The following GRIA4 variants were observed in gnomAD, a reference collection of about 807,000 sequenced individuals.
GRIA4 encodes the protein glutamate receptor 4.
A neutral mutation model predicts 104.0 loss-of-function variants in GRIA4; 34 were observed. The observed-to-expected ratio is 0.33, with a 90% CI of 0.25 to 0.44. The LOEUF is 0.44. Among genes scored for constraint, GRIA4 ranks in the 20% least tolerant of loss-of-function variants. The pLI, the probability that GRIA4 is intolerant of heterozygous loss-of-function variation, is 1.00. For synonymous variants in GRIA4, 386 were observed against 381.9 expected, an observed-to-expected ratio of 1.01 and a Z score of -0.13; for missense variants, 750 against 1,096.5, an observed-to-expected ratio of 0.68 and a Z score of 4.46.
chr11:105,739,504 T>C (rs1450701631), intron 3 of GRIA4, among the ~76,000 whole-genome samples: 2 of 152,218 alleles, frequency 1.3e-5, no homozygotes, highest in Non-Finnish European at 2.9e-5. Flanking sequence ...GAAATATTTT[T>C]GTGTAATTTG....
chr11:105,774,211 A>G (rs1256600290), intron 4 of GRIA4, among the ~76,000 whole-genome samples: 1 of 151,518 alleles, frequency 6.6e-6, no homozygotes, highest in Non-Finnish European at 1.5e-5. Context: ...GAAATATAAA[A>G]AAAGAGCTTG....
intron 9 of GRIA4, among the ~76,000 whole-genome samples, chr11:105,907,195 C>T (rs1947070430): frequency 6.6e-6 from 1 of 152,108 alleles, no homozygotes; most frequent in Non-Finnish European, 1.5e-5. Context: ...AAAATTAAGA[C>T]TTTTCAAAGA....
chr11:105,884,164 C>T (rs1946169277), intron 5 of GRIA4, among the ~76,000 whole-genome samples: 1 of 152,226 alleles, frequency 6.6e-6, no homozygotes, highest in African/African-American at 2.4e-5. Flanking sequence ...ACTACTCACC[C>T]TGGGCATTGT....
intron 4 of GRIA4, among the ~76,000 whole-genome samples, chr11:105,791,553 C>T (rs1008031856): frequency 1.2e-4 from 18 of 152,212 alleles, no homozygotes; most frequent in African/African-American, 4.1e-4. Flanking sequence ...GTTTCTCTTA[C>T]CAGTTTCTAA....
intron 3 of GRIA4, among the ~76,000 whole-genome samples, chr11:105,737,080 C>T (rs751445920): frequency 5.3e-5 from 8 of 151,894 alleles, no homozygotes; most frequent in African/African-American, 1.4e-4. Context: ...AGAATGAAGG[C>T]GTAAGGAGCT....
chr11:105,846,619 A>G (rs1944606471), intron 4 of GRIA4, among the ~76,000 whole-genome samples: 1 of 152,188 alleles, frequency 6.6e-6, no homozygotes, highest in Non-Finnish European at 1.5e-5. Flanking sequence ...TACAACAATG[A>G]TAACTGAATA....
rs144408248 is a variant in GRIA4, at chr11:105,678,744, C to T, written c.247+66310C>T. 3.5e-3 allele frequency among the ~76,000 whole-genome samples: 536 copies of T among 152,130 alleles called. 2 individuals are homozygous for T. Among genetic ancestry groups the T allele is most frequent in the African/African-American group, 0.012 (512 of 41,524 alleles). On this transcript the variant is annotated intron_variant, in intron 3 of 16. Transcript: ENST00000282499. ...ATCAAGAAATTATGAGTAGATGAAA[C>T]TCTGAATAAGTTATTCCAGGATAAT...
At chr11:105,813,888 T>C (rs185627012) in intron 4 of GRIA4, among the ~76,000 whole-genome samples, 1 of 151,992 alleles carries the variant, frequency 6.6e-6, no homozygotes, top group East Asian at 1.9e-4. Context: ...CTCTGTCTCA[T>C]GAGAGAGAGA....
intron 14 of GRIA4, among the ~76,000 whole-genome samples, chr11:105,945,096 G>A (rs982010291): frequency 2.0e-5 from 3 of 152,058 alleles, no homozygotes; most frequent in African/African-American, 7.2e-5. Context: ...GATGAGCTGA[G>A]AACACCCCAG....
At chr11:105,822,393 C>G (rs1396309052) in intron 4 of GRIA4, among the ~76,000 whole-genome samples, 1 of 152,010 alleles carries the variant, frequency 6.6e-6, no homozygotes, top group Non-Finnish European at 1.5e-5. Context: ...AAGTCAGACA[C>G]ACACTATAAA....
intron 14 of GRIA4, among the ~76,000 whole-genome samples, chr11:105,938,312 T>C (rs947584561): frequency 1.3e-5 from 2 of 152,218 alleles, no homozygotes; most frequent in South Asian, 4.1e-4. Context: ...AAAAGCAGTT[T>C]GCTGGATATT....
At chr11:105,791,647 G>A (rs1477943741) in intron 4 of GRIA4, among the ~76,000 whole-genome samples, 1 of 152,098 alleles carries the variant, frequency 6.6e-6, no homozygotes, top group Admixed American at 6.6e-5. Context: ...CATGGACCTG[G>A]TAATATTAGC....
chr11:105,761,376 G>A lies in GRIA4; in HGVS notation c.487+8156G>A, dbSNP rs536551389. On this transcript the variant is annotated intron_variant, in intron 4 of 16. Transcript: ENST00000282499. ...TGCATCCTTATTTTTTAGGCATATC[G>A]TTTTGGTGCCACAACTGCCATTATG... Among the ~76,000 whole-genome samples, 295 of 151,938 alleles carry A rather than the reference G, an allele frequency of 1.9e-3. 3 individuals are homozygous for A. Among genetic ancestry groups the A allele is most frequent in the African/African-American group, 6.7e-3 (279 of 41,414 alleles).
chr11:105,973,483 A>C (rs1591502792), intron 15 of GRIA4, among the ~76,000 whole-genome samples: 1 of 152,220 alleles, frequency 6.6e-6, no homozygotes, highest in East Asian at 1.9e-4. Flanking sequence ...CTGAAGAATA[A>C]ATAATATCTC....
At chr11:105,947,720 G>C (rs900648257) in intron 14 of GRIA4, among the ~76,000 whole-genome samples, 13 of 152,160 alleles carry the variant, frequency 8.5e-5, no homozygotes, top group African/African-American at 3.1e-4. Flanking sequence ...GCAAATAACT[G>C]AATGACTATG....
chr11:105,654,834 C>T (rs1244275322), intron 3 of GRIA4, among the ~76,000 whole-genome samples: 10 of 152,140 alleles, frequency 6.6e-5, no homozygotes, highest in Admixed American at 6.5e-4. Context: ...CTAAATACAA[C>T]TTCAGATGAG....
intron 3 of GRIA4, among the ~76,000 whole-genome samples, chr11:105,749,936 C>A (rs1184072252): frequency 6.6e-6 from 1 of 152,008 alleles, no homozygotes; most frequent in Non-Finnish European, 1.5e-5. Context: ...CATTAATTCC[C>A]GTTTATTTTG....
intron 4 of GRIA4, among the ~76,000 whole-genome samples, chr11:105,826,203 GGA>G (rs1172495013): frequency 6.6e-6 from 1 of 152,012 alleles, no homozygotes; most frequent in Non-Finnish European, 1.5e-5. Flanking sequence ...TATGGAGTGG[GGA>G]GAGAGAGGTT....
intron 3 of GRIA4, among the ~76,000 whole-genome samples, chr11:105,662,765 A>G (rs1591523645): frequency 1.3e-5 from 2 of 152,034 alleles, no homozygotes; most frequent in East Asian, 3.9e-4. Context: ...GATGTGGCAG[A>G]AAGCTACACA....
Sources: allele counts gnomAD v4.1 joint callset (sites outside exome capture counted in the v4.1 genomes callset), GRCh38; gene constraint gnomAD v4.1.1; transcripts MANE v1.5; gene names NCBI Gene and HGNC (gene_info 2026-07-23, HGNC 2026-07-21).